Variants in PACS2 observed in about 807,000 individuals in gnomAD.
PACS2 encodes the protein phosphofurin acidic cluster sorting protein 2, also known as PACS1-like protein.
In PACS2, 36 loss-of-function variants were observed where a neutral mutation model predicts 113.0. The observed-to-expected ratio is 0.32, with a 90% confidence interval of 0.24 to 0.42. PACS2 has a LOEUF of 0.42. Among genes scored for constraint, PACS2 ranks in the 10% least tolerant of loss-of-function variants. The pLI is 1.00. For missense variants in PACS2, 1,015 were observed against 1,239.5 expected (o/e 0.82, Z 2.72); for synonymous variants, 589 against 536.1 (o/e 1.10, Z -1.36).
rs138831835 is a variant in PACS2, at chr14:105,340,619, G to A, written c.120-7874G>A. Among the ~76,000 whole-genome samples the A allele has an allele frequency of 5.3e-3, 806 of 152,330 alleles. 12 individuals are homozygous for A. The highest frequency in any genetic ancestry group is 0.019 in the East Asian group (100 of 5,182). ...CCCTGGTGCTCATCTCCTGCTGTGC[G>A]GCCAGTTGCTAACAGGCCAGGAACC... is the stretch of plus-strand genomic sequence containing the variant. On this transcript the variant is annotated intron_variant, in intron 1 of 24. Transcript: ENST00000447393. This position sits in a 1 kb window ranked among gnomAD's most constrained non-coding sequence, Gnocchi z 4.2.
intron 1 of PACS2, among the ~76,000 whole-genome samples, chr14:105,347,341 A>G (rs1555402899): frequency 6.6e-6 from 1 of 152,008 alleles, no homozygotes; most frequent in East Asian, 1.9e-4. Context: ...TGTGTGCTGG[A>G]AGGGCCTGGG....
Position 105,394,748 on chromosome 14 carries a change from T to C in PACS2, c.*76T>C. 1.1e-6 allele frequency: 1 copy of C among 924,958 alleles called. No homozygotes were observed. The highest frequency in any genetic ancestry group is 1.8e-6 in the Non-Finnish European group (1 of 553,252). 57.3% of individuals were successfully genotyped at this position (924,958 alleles called of 1,614,324 possible). On this transcript the variant is annotated 3_prime_UTR_variant, in exon 25 of 25. Transcript: ENST00000447393. ...CTGCATTTCTGTTAACATTTCAGTT[T>C]ACTACAGAGACAGACGCTTAAAACA...
In PACS2 at chr14:105,306,908, A is replaced by T. The variant is rs587608406; in HGVS notation, c.-83+5929A>T. On this transcript the variant is annotated intron_variant, in intron 1 of 23. Transcript: ENST00000430725. ...GGCGTGAGCCACCGTGCCAAGCCCCATCGTGTTCTCATCTGTGGTGCTTTG... is the reference window on the plus strand; with the variant it reads ...GGCGTGAGCCACCGTGCCAAGCCCCTTCGTGTTCTCATCTGTGGTGCTTTG... Among the ~76,000 whole-genome samples, 6 of 151,154 alleles carry T rather than the reference A, an allele frequency of 4.0e-5. No homozygotes were observed. In the South Asian group the frequency reaches 1.3e-3, roughly 32 times the overall value.
rs1595204540 is a variant in PACS2 at position 105,395,578 on chromosome 14, C to G, written c.*906C>G. 1 of 152,272 alleles carries G rather than the reference C, an allele frequency of 6.6e-6. No individual in the cohort carries two copies. The highest frequency in any genetic ancestry group is 1.9e-4 in the East Asian group (1 of 5,200). 9.4% of individuals were successfully genotyped at this position (152,272 alleles called of 1,614,324 possible). A position where few individuals can be genotyped will look rare whatever the true frequency, so the allele number is the denominator to read the frequency against. ...CCATGGGGATATCTGGGTTGAGATT[C>G]AGGTTTTGGTGAATATGGGGCAGGC... On this transcript the variant is annotated 3_prime_UTR_variant, in exon 25 of 25. Transcript: ENST00000447393.
At position 105,349,929 on chromosome 14, in the gene PACS2, G is replaced by T. The variant is rs587680984; in HGVS notation, c.207+1349G>T. On this transcript the variant is annotated intron_variant, in intron 2 of 24. Transcript: ENST00000447393. The stretch of plus-strand genomic sequence containing the variant: ...TTCCAGGAGAGCGTGGCTAATGCAG[G>T]ACCCCGAGAACTTCCAGGAGAGCGT... Among the ~76,000 whole-genome samples the T allele has an allele frequency of 2.0e-5, 3 of 150,840 alleles. No homozygotes were observed. The South Asian group carries it at 6.3e-4, about 32-fold the overall frequency.
rs1555416921 is a variant in PACS2 at position 105,396,736 on chromosome 14, C to T, written c.*2064C>T. 1 of 152,204 alleles carries T rather than the reference C, an allele frequency of 6.6e-6. No homozygotes were observed. The highest frequency in any genetic ancestry group is 1.5e-5 in the Non-Finnish European group (1 of 68,082). The allele number at this position is 152,204 out of a possible 1,614,324, so 9.4% of individuals were successfully genotyped here. ...CAGGCTGGTCTTGAACTCCTGACCT[C>T]AAGTGATCCACCCGCCTCGGCCTCC... is the stretch of plus-strand genomic sequence containing the variant. On this transcript the variant is annotated 3_prime_UTR_variant, in exon 25 of 25. Coordinates refer to ENST00000447393, the MANE Select transcript of PACS2 (RefSeq NM_001100913.3).
At chr14:105,353,345 C>T (rs1431314628) in intron 3 of PACS2, among the ~76,000 whole-genome samples, 7 of 129,342 alleles carry the variant, frequency 5.4e-5, no homozygotes, top group African/African-American at 1.5e-4. Context: ...GGGAGACGGG[C>T]GCCCTCATCA....
chr14:105,364,153 C>T (rs374618805), intron 4 of PACS2, among the ~76,000 whole-genome samples: 8 of 152,358 alleles, frequency 5.3e-5, no homozygotes, highest in African/African-American at 1.2e-4. Flanking sequence ...CAAGTGAACA[C>T]GTGCTGTTGG....
intron 22 of PACS2, chr14:105,392,195 G>C (rs1338697532): frequency 6.3e-6 from 2 of 318,510 alleles, no homozygotes; most frequent in Non-Finnish European, 1.2e-5. Context: ...CTAAGCCATG[G>C]GGGGTTGTGG....
chr14:105,375,746 C>G (rs2061333209), intron 8 of PACS2, among the ~76,000 whole-genome samples: 2 of 152,180 alleles, frequency 1.3e-5, no homozygotes, highest in African/African-American at 4.8e-5. Flanking sequence ...AGTTGCCAGA[C>G]ACCCAGCACC....
chr14:105,336,802 C>T (rs2059539416), intron 1 of PACS2: 1 of 152,290 alleles, frequency 6.6e-6, no homozygotes, highest in Non-Finnish European at 1.5e-5. Context: ...GCAGCTGTTG[C>T]GGGGAACAGG....
chr14:105,366,538 C>T lies in PACS2; in HGVS notation c.424-675C>T, dbSNP rs2060947734. Among the ~76,000 whole-genome samples the T allele has an allele frequency of 6.6e-6, 1 of 152,174 alleles. No homozygotes were observed. The highest frequency in any genetic ancestry group is 2.1e-4 in the South Asian group (1 of 4,830). ...GGCTGTGCCTGGGTACAGGTCGTGG[C>T]TGCAGGAGGGGCCGGGGCTTGTTCT... On this transcript the variant is annotated intron_variant, in intron 4 of 24. Coordinates refer to ENST00000447393, the MANE Select transcript of PACS2 (RefSeq NM_001100913.3). This position sits in a 1 kb window ranked among gnomAD's most constrained non-coding sequence, Gnocchi z 4.3.
At position 105,355,979 on chromosome 14, in the gene PACS2, T is replaced by C. The variant is rs1185904394; in HGVS notation, c.423+802T>C. ...GGGGTCCAGGGGCTGCGGGCGTGAG[T>C]GGTGCTTGGGGCATGTGAAGCTGGG... On this transcript the variant is annotated intron_variant, in intron 4 of 24. Transcript: ENST00000447393. This position sits in a 1 kb window ranked among gnomAD's most constrained non-coding sequence, Gnocchi z 4.1. Among the ~76,000 whole-genome samples the C allele has an allele frequency of 1.3e-5, 2 of 151,982 alleles. No homozygotes were observed. Among genetic ancestry groups the C allele is most frequent in the African/African-American group, 4.8e-5 (2 of 41,388 alleles).
At chr14:105,364,952 C>T (rs1207364586) in intron 4 of PACS2, among the ~76,000 whole-genome samples, 2 of 152,194 alleles carry the variant, frequency 1.3e-5, no homozygotes, top group South Asian at 2.1e-4. Context: ...CCTGCCTCAA[C>T]CTCCCAAAGT....
At chr14:105,373,511 T>A (rs587641743) in intron 8 of PACS2, among the ~76,000 whole-genome samples, 228 of 152,310 alleles carry the variant, frequency 1.5e-3, no homozygotes, top group Non-Finnish European at 1.3e-3. Flanking sequence ...GATATCCACA[T>A]GCAAAAGAAG....
At chr14:105,385,086 C>T in intron 18 of PACS2, 99 bp downstream of exon 18, 1 of 783,940 alleles carries the variant, frequency 1.3e-6, no homozygotes, top group Non-Finnish European at 2.2e-6. Flanking sequence ...TGGTGGGCCG[C>T]AGAGCCCTGC....
rs1555401332 is a variant in PACS2 at position 105,340,318 on chromosome 14, C to G, written c.120-8175C>G. Among the ~76,000 whole-genome samples the G allele has an allele frequency of 6.6e-6, 1 of 152,192 alleles. No homozygotes were observed. On this transcript the variant is annotated intron_variant, in intron 1 of 24. Coordinates refer to ENST00000447393, the MANE Select transcript of PACS2 (RefSeq NM_001100913.3). The surrounding 1 kb of genome is among the most constrained non-coding windows in gnomAD (Gnocchi z 4.2). ...AAATAAAATGCAATCACAACACACA[C>G]AACTCCAAATGGATGGATAATCTCA... is the stretch of plus-strand genomic sequence containing the variant.
intron 1 of PACS2, among the ~76,000 whole-genome samples, chr14:105,306,447 G>A (rs1341756116): frequency 1.3e-5 from 2 of 151,934 alleles, no homozygotes; most frequent in African/African-American, 2.4e-5. Context: ...GGGATTACAG[G>A]TGCATGCCAC....
At chr14:105,349,859 G>A (rs56105045) in intron 2 of PACS2, among the ~76,000 whole-genome samples, 6 of 114,398 alleles carry the variant, frequency 5.2e-5, no homozygotes, top group African/African-American at 2.2e-4. Flanking sequence ...TGCAGGACCC[G>A]GAGAACTTCC....
Sources: allele counts gnomAD v4.1 joint callset (sites outside exome capture counted in the v4.1 genomes callset), GRCh38; gene constraint gnomAD v4.1.1; non-coding constraint Gnocchi (gnomAD v3.1); transcripts MANE v1.5; gene names NCBI Gene and HGNC (gene_info 2026-07-23, HGNC 2026-07-21).